WDFY3: variants seen among roughly 807,000 people sequenced by gnomAD.
WDFY3 encodes the protein WD repeat and FYVE domain-containing protein 3.
A neutral mutation model predicts 409.6 loss-of-function variants in WDFY3; 66 were observed. The ratio of observed to expected loss-of-function variants is 0.16; its 90% CI spans 0.13 to 0.20. The LOEUF is 0.20. Among genes scored for constraint, WDFY3 ranks in the 10% least tolerant of loss-of-function variants. The pLI is 1.00. For synonymous variants in WDFY3, 1,521 were observed against 1,537.1 expected (o/e 0.99, Z 0.25); for missense variants, 3,031 against 4,298.1 (o/e 0.71, Z 8.24).
At chr4:84,930,723 A>G (rs1770660726) in intron 2 of WDFY3, among the ~76,000 whole-genome samples, 1 of 152,208 alleles carries the variant, frequency 6.6e-6, no homozygotes, top group Non-Finnish European at 1.5e-5. Flanking sequence ...ATGTCCATCA[A>G]CTGATGAAAG....
intron 17 of WDFY3, among the ~76,000 whole-genome samples, chr4:84,799,682 C>G (rs1750154355): frequency 6.6e-6 from 1 of 151,516 alleles, no homozygotes; most frequent in South Asian, 2.1e-4. Context: ...TTTATAACAT[C>G]ATGTTAAAAA....
At chr4:84,715,724 A>G (rs1266470533) in intron 49 of WDFY3, among the ~76,000 whole-genome samples, 5 of 149,902 alleles carry the variant, frequency 3.3e-5, no homozygotes, top group Admixed American at 2.7e-4. Flanking sequence ...GCAGTGAGCC[A>G]AGATCGCGCC....
chr4:84,693,890 C>T (rs1011054973), intron 58 of WDFY3, among the ~76,000 whole-genome samples: 4 of 136,884 alleles, frequency 2.9e-5, no homozygotes, highest in Admixed American at 1.5e-4. Flanking sequence ...AGCGAGACTC[C>T]GTCTCAAAAA....
intron 64 of WDFY3, among the ~76,000 whole-genome samples, 192 bp from the exon 65 acceptor site, chr4:84,679,434 G>A (rs896855652): frequency 2.6e-5 from 4 of 152,140 alleles, no homozygotes; most frequent in African/African-American, 7.2e-5. Flanking sequence ...TAAAAAAGTC[G>A]AATTTCTGAA....
At chr4:84,775,482 T>C (rs1361136830) in intron 27 of WDFY3, among the ~76,000 whole-genome samples, 1 of 151,210 alleles carries the variant, frequency 6.6e-6, no homozygotes, top group Non-Finnish European at 1.5e-5. Context: ...AAATGAAAAA[T>C]ATACTGGACG....
chr4:84,789,690 T>C, intron 22 of WDFY3, 36 bp downstream of exon 22: 1 of 1,592,988 alleles, frequency 6.3e-7, no homozygotes, highest in Non-Finnish European at 8.6e-7. Flanking sequence ...TACTACCTTA[T>C]AAAACAGGTA....
intron 51 of WDFY3, among the ~76,000 whole-genome samples, chr4:84,711,405 A>G (rs192204440): frequency 1.9e-4 from 29 of 152,342 alleles, no homozygotes; most frequent in Admixed American, 1.8e-3. Context: ...ACAAATTGAT[A>G]AGATCTCAAA....
chr4:84,962,675 CTTTTT>C (rs373118403), intron 1 of WDFY3, among the ~76,000 whole-genome samples: 1 of 136,214 alleles, frequency 7.3e-6, no homozygotes. Flanking sequence ...GGAGCCATTT[CTTTTT>C]TTTTTTTTTT....
intron 1 of WDFY3, among the ~76,000 whole-genome samples, chr4:84,943,270 G>C (rs1340697266): frequency 1.3e-5 from 2 of 152,150 alleles, no homozygotes; most frequent in African/African-American, 4.8e-5. Flanking sequence ...GGGAGGCCGA[G>C]GCGGGCGGAT....
chr4:84,836,087 T>C (rs1429054693), intron 7 of WDFY3, among the ~76,000 whole-genome samples: 1 of 152,186 alleles, frequency 6.6e-6, no homozygotes, highest in Non-Finnish European at 1.5e-5. Flanking sequence ...GTGTTAACTA[T>C]ATGTACACTG....
At chr4:84,772,027 G>GAGAAC in intron 30 of WDFY3, among the ~76,000 whole-genome samples, 1 of 152,290 alleles carries the variant, frequency 6.6e-6, no homozygotes, top group Non-Finnish European at 1.5e-5. Context: ...AGACATCATG[G>GAGAAC]AGAACCCCTT....
At chr4:84,962,186 G>A (rs1258891794) in intron 1 of WDFY3, among the ~76,000 whole-genome samples, 1 of 152,190 alleles carries the variant, frequency 6.6e-6, no homozygotes, top group African/African-American at 2.4e-5. Context: ...TAAATTTTCA[G>A]GAATTCTGTA....
At chr4:84,860,103 C>A (rs938918066) in intron 4 of WDFY3, among the ~76,000 whole-genome samples, 21 of 152,264 alleles carry the variant, frequency 1.4e-4, no homozygotes, top group African/African-American at 4.8e-4. Context: ...AGAAATAACA[C>A]AATTGATAAT....
intron 2 of WDFY3, among the ~76,000 whole-genome samples, chr4:84,915,769 T>C (rs1043109981): frequency 2.0e-5 from 3 of 151,990 alleles, no homozygotes; most frequent in South Asian, 2.1e-4. Flanking sequence ...AACCTCAGAG[T>C]AGTAGAAGCT....
intron 21 of WDFY3, among the ~76,000 whole-genome samples, chr4:84,790,823 G>C (rs918974924): frequency 1.3e-5 from 2 of 152,032 alleles, no homozygotes; most frequent in Admixed American, 6.5e-5. Flanking sequence ...CTCCAAAGAA[G>C]GCACATAAAT....
At chr4:84,709,373 A>G (rs1205449600) in intron 51 of WDFY3, 26 bp from the exon 52 acceptor site, 1 of 1,565,924 alleles carries the variant, frequency 6.4e-7, no homozygotes. Context: ...AATACAATAA[A>G]TTACAAGCAA....
chr4:84,809,861 A>G (rs768578094), intron 14 of WDFY3, 26 bp downstream of exon 14: 2 of 1,601,568 alleles, frequency 1.2e-6, no homozygotes, highest in African/African-American at 2.7e-5. Flanking sequence ...ACACCCTTTA[A>G]TTCAGAGGAC....
chr4:84,789,982 C>G, intron 21 of WDFY3, 75 bp from the exon 22 acceptor site: 1 of 1,445,756 alleles, frequency 6.9e-7, no homozygotes, highest in Non-Finnish European at 9.5e-7. Flanking sequence ...TCTAGATCAG[C>G]ATGTTTTGAC....
chr4:84,720,644 C>T (rs1001958836), intron 47 of WDFY3, among the ~76,000 whole-genome samples: 1 of 152,176 alleles, frequency 6.6e-6, no homozygotes, highest in Non-Finnish European at 1.5e-5. Context: ...CCCCCTTCAT[C>T]TTTTGCCATG....
Sources: gnomAD v4.1 joint callset for allele counts (sites outside exome capture counted in the v4.1 genomes callset) on GRCh38, gnomAD v4.1.1 for gene constraint, MANE v1.5 for transcripts, NCBI Gene and HGNC (gene_info 2026-07-23, HGNC 2026-07-21) for gene names.